The following RAB31 variants were observed in gnomAD, a reference collection of about 807,000 sequenced individuals.
The protein encoded by RAB31 is RAB31, member RAS oncogene family.
In RAB31, 21 loss-of-function variants were observed where a neutral mutation model predicts 25.6. The ratio of observed to expected loss-of-function variants is 0.82; its 90% CI spans 0.58 to 1.18. The LOEUF is 1.18. RAB31 is among the 50% of genes most tolerant of loss of function. The pLI, the probability that RAB31 is intolerant of heterozygous loss-of-function variation, is 0.00. For missense variants in RAB31, 196 were observed against 250.1 expected (o/e 0.78, Z 1.46); for synonymous variants, 87 against 84.0 (o/e 1.04, Z -0.20).
intron 3 of RAB31, among the ~76,000 whole-genome samples, chr18:9,793,335 C>G (rs2068470811): frequency 6.6e-6 from 1 of 152,092 alleles, no homozygotes; most frequent in Admixed American, 6.5e-5. Context: ...ACCTTGGCCT[C>G]CCGAAGTGCT....
At chr18:9,826,507 C>T (rs1435836934) in intron 5 of RAB31, among the ~76,000 whole-genome samples, 1 of 130,424 alleles carries the variant, frequency 7.7e-6, no homozygotes, top group Non-Finnish European at 1.7e-5. Flanking sequence ...TCTCTGCCCC[C>T]TTTCACACCC....
chr18:9,797,067 T>G lies in RAB31; in HGVS notation c.201+4832T>G, dbSNP rs561854670. Among the ~76,000 whole-genome samples, 312 of 152,352 alleles carry G rather than the reference T, an allele frequency of 2.0e-3. 4 individuals are homozygous for G. The highest frequency in any genetic ancestry group is 2.1e-4 in the Non-Finnish European group (14 of 68,030). ...GCTAAATTGAGAACACAGACTTCTG[T>G]GCACGGGAAGCAGCTGCCTGGGGCA... On this transcript the variant is annotated intron_variant, in intron 3 of 6. Coordinates refer to ENST00000578921, the MANE Select transcript of RAB31 (RefSeq NM_006868.4).
chr18:9,818,209 GTTGTA>G (rs1038921280), intron 5 of RAB31, among the ~76,000 whole-genome samples: 11 of 152,158 alleles, frequency 7.2e-5, no homozygotes, highest in African/African-American at 2.7e-4. Flanking sequence ...CATTTAATAT[GTTGTA>G]TTGAGGTAAA....
chr18:9,856,931 T>A (rs1177627483), intron 6 of RAB31, among the ~76,000 whole-genome samples: 2 of 151,946 alleles, frequency 1.3e-5, no homozygotes, highest in African/African-American at 4.8e-5. Flanking sequence ...CCTTCTCTAT[T>A]TATCACTTAA....
At chr18:9,780,235 TGAA>T (rs1488043290) in intron 2 of RAB31, among the ~76,000 whole-genome samples, 5 of 151,924 alleles carry the variant, frequency 3.3e-5, no homozygotes, top group Non-Finnish European at 7.4e-5. Context: ...ACAGAATTCA[TGAA>T]ACTAGGAATC....
At chr18:9,762,223 G>A (rs963467690) in intron 1 of RAB31, among the ~76,000 whole-genome samples, 11 of 152,182 alleles carry the variant, frequency 7.2e-5, no homozygotes, top group African/African-American at 1.7e-4. Flanking sequence ...ACTGGGAGGC[G>A]GGGATTATTG....
chr18:9,832,346 C>G (rs1257701028), intron 5 of RAB31, among the ~76,000 whole-genome samples: 1 of 152,204 alleles, frequency 6.6e-6, no homozygotes, highest in Non-Finnish European at 1.5e-5. Flanking sequence ...CTTCTGAAAA[C>G]AAGTGTGACA....
At chr18:9,788,345 A>G (rs73385040) in intron 2 of RAB31, among the ~76,000 whole-genome samples, 10,947 of 152,252 alleles carry the variant, frequency 0.072, 1,312 homozygotes, top group African/African-American at 0.25. Context: ...ACAGGAAGAT[A>G]TCATCTCTCT....
At chr18:9,787,325 AT>A in intron 2 of RAB31, 1 of 193,216 alleles carries the variant, frequency 5.2e-6, no homozygotes, top group South Asian at 1.1e-4. Context: ...ATATTAGATA[AT>A]CCATCCCAGA....
intron 3 of RAB31, among the ~76,000 whole-genome samples, chr18:9,803,860 G>A (rs555411517): frequency 2.3e-4 from 35 of 152,372 alleles, no homozygotes; most frequent in Admixed American, 9.8e-4. Flanking sequence ...CAGAACTGTC[G>A]TGCCATTTGC....
chr18:9,730,985 A>G (rs2068120076), intron 1 of RAB31, among the ~76,000 whole-genome samples: 1 of 152,196 alleles, frequency 6.6e-6, no homozygotes. Context: ...GAGTTTTGAG[A>G]GTTCCATGTG....
At chr18:9,829,562 G>C (rs1184285755) in intron 5 of RAB31, among the ~76,000 whole-genome samples, 1 of 152,226 alleles carries the variant, frequency 6.6e-6, no homozygotes, top group Non-Finnish European at 1.5e-5. Context: ...GGGTAGGTAA[G>C]AGTTGAATTG....
intron 5 of RAB31, among the ~76,000 whole-genome samples, chr18:9,817,564 G>A (rs973193080): frequency 4.6e-5 from 7 of 152,100 alleles, no homozygotes; most frequent in African/African-American, 1.7e-4. Context: ...TGGCCAAGAG[G>A]GGATTGGTAG....
chr18:9,790,052 T>A (rs546739198), intron 2 of RAB31, among the ~76,000 whole-genome samples: 1 of 152,218 alleles, frequency 6.6e-6, no homozygotes, highest in East Asian at 1.9e-4. Flanking sequence ...CTGGACTATA[T>A]GAAAGTAAGG....
At chr18:9,828,451 T>C (rs2299841) in intron 5 of RAB31, among the ~76,000 whole-genome samples, 122,130 of 152,128 alleles carry the variant, frequency 0.8, 49,400 homozygotes, top group East Asian at 0.98. Context: ...TGAGTAAGTG[T>C]GTGATTCATG....
At chr18:9,828,125 G>A (rs767798150) in intron 5 of RAB31, among the ~76,000 whole-genome samples, 24 of 152,168 alleles carry the variant, frequency 1.6e-4, no homozygotes, top group Non-Finnish European at 2.5e-4. Flanking sequence ...CTGGAGGTGG[G>A]AGCGAGCTTG....
intron 1 of RAB31, among the ~76,000 whole-genome samples, chr18:9,732,832 G>GT (rs1218708998): frequency 6.6e-6 from 1 of 152,192 alleles, no homozygotes; most frequent in African/African-American, 2.4e-5. Context: ...GTTTTGCTGG[G>GT]TGCTGAGTGT....
intron 6 of RAB31, among the ~76,000 whole-genome samples, chr18:9,847,452 G>C (rs763445079): frequency 6.6e-6 from 1 of 152,162 alleles, no homozygotes; most frequent in Non-Finnish European, 1.5e-5. Flanking sequence ...CTGAACTTGA[G>C]CTTGAGATCT....
At chr18:9,764,040 C>G (rs2145485227) in intron 1 of RAB31, among the ~76,000 whole-genome samples, 1 of 152,234 alleles carries the variant, frequency 6.6e-6, no homozygotes, top group East Asian at 1.9e-4. Context: ...CTGTAGAGTG[C>G]TGTAGCTCAG....
Sources: gnomAD v4.1 joint callset for allele counts (sites outside exome capture counted in the v4.1 genomes callset) on GRCh38, gnomAD v4.1.1 for gene constraint, MANE v1.5 for transcripts, NCBI Gene and HGNC (gene_info 2026-07-23, HGNC 2026-07-21) for gene names.